The following SHISA9 variants were observed in gnomAD, a reference collection of about 807,000 sequenced individuals.
SHISA9 encodes protein shisa-9.
In SHISA9, 13 loss-of-function variants were observed where a neutral mutation model predicts 38.0. That is an observed-to-expected ratio of 0.34 (90% CI 0.22 to 0.54). The LOEUF is 0.54. Ranked by LOEUF, SHISA9 falls within the 20% of genes least tolerant of loss-of-function variation. The probability of loss-of-function intolerance (pLI) is 0.91; values close to 1 mark genes in which losing one functional copy is unlikely to be tolerated. For missense variants in SHISA9, 538 were observed against 575.8 expected, an observed-to-expected ratio of 0.93 and a Z score of 0.67; for synonymous variants, 275 against 242.0, an observed-to-expected ratio of 1.14 and a Z score of -1.27.
chr16:13,314,000 C>T, the SHISA9 span, among the ~76,000 whole-genome samples: 1 of 152,096 alleles, frequency 6.6e-6, no homozygotes, highest in Non-Finnish European at 1.5e-5. Flanking sequence ...GGCTGGGAGT[C>T]AGAGGTCGTG....
the SHISA9 span, among the ~76,000 whole-genome samples, chr16:13,371,517 C>T: frequency 7.9e-5 from 12 of 152,232 alleles, no homozygotes; most frequent in African/African-American, 2.9e-4. Context: ...CCATAGGAAC[C>T]AAGGTTAAGA....
chr16:13,137,475 G>A (rs1295927034), intron 2 of SHISA9, among the ~76,000 whole-genome samples: 1 of 138,506 alleles, frequency 7.2e-6, no homozygotes, highest in Non-Finnish European at 1.6e-5. Context: ...TTTTTTTTTT[G>A]AGACAGAGTC....
chr16:13,059,209 G>C (rs373289579), intron 2 of SHISA9, among the ~76,000 whole-genome samples: 75 of 140,020 alleles, frequency 5.4e-4, no homozygotes, highest in African/African-American at 2.0e-3. Flanking sequence ...CTCATTGCAA[G>C]CTCCCCCTCC....
chr16:13,231,620 G>A (rs114844044), intron 4 of SHISA9, among the ~76,000 whole-genome samples: 197 of 152,278 alleles, frequency 1.3e-3, no homozygotes, highest in African/African-American at 4.6e-3. Flanking sequence ...ATCAGTCGGA[G>A]CTATTTGCAT....
chr16:13,359,740 C>T, the SHISA9 span, among the ~76,000 whole-genome samples: 359 of 152,218 alleles, frequency 2.4e-3, 8 homozygotes, highest in South Asian at 0.048. Flanking sequence ...CTAGCAGATG[C>T]GGTTGGTGCC....
At chr16:13,530,824 A>G in the SHISA9 span, among the ~76,000 whole-genome samples, 2 of 152,188 alleles carry the variant, frequency 1.3e-5, no homozygotes, top group African/African-American at 4.8e-5. Flanking sequence ...AGAAAATCCC[A>G]TTCCCTCCAT....
chr16:12,959,047 T>C (rs2071873723), intron 2 of SHISA9, among the ~76,000 whole-genome samples: 1 of 152,178 alleles, frequency 6.6e-6, no homozygotes, highest in Non-Finnish European at 1.5e-5. Context: ...AAGGCCATGG[T>C]ACAGAGCTGG....
Position 13,213,240 on chromosome 16 carries a change from G to T in SHISA9, c.848-13G>T. 6.4e-7 allele frequency: 1 copy of T among 1,551,400 alleles called. No homozygotes were observed. Among genetic ancestry groups the T allele is most frequent in the Non-Finnish European group, 8.7e-7 (1 of 1,146,706 alleles). ...AACAGATCATCAGCATTTCTTGATT[G>T]TTATTTTTTTAGGAAGTTCTGATGG... On this transcript the variant is annotated splice_polypyrimidine_tract_variant and intron_variant, in intron 3 of 4. Coordinates refer to ENST00000558583, the MANE Select transcript of SHISA9 (RefSeq NM_001145204.3).
the SHISA9 span, among the ~76,000 whole-genome samples, chr16:13,516,479 A>T: frequency 1.3e-5 from 2 of 152,212 alleles, no homozygotes; most frequent in Non-Finnish European, 2.9e-5. Context: ...TGAACTGAAA[A>T]GGTATTTGTG....
At chr16:13,118,302 A>G (rs773484532) in intron 2 of SHISA9, among the ~76,000 whole-genome samples, 30 of 152,034 alleles carry the variant, frequency 2.0e-4, no homozygotes, top group Non-Finnish European at 3.8e-4. Flanking sequence ...GCAACCTGAC[A>G]GGGAGGTATG....
the SHISA9 span, among the ~76,000 whole-genome samples, chr16:13,427,159 A>T: frequency 0.72 from 110,258 of 152,164 alleles, 40,201 homozygotes; most frequent in Admixed American, 0.82. Context: ...GACTTCATCA[A>T]TTAAATGCTA....
At chr16:13,477,625 C>T in the SHISA9 span, among the ~76,000 whole-genome samples, 1 of 152,116 alleles carries the variant, frequency 6.6e-6, no homozygotes, top group Admixed American at 6.6e-5. Flanking sequence ...ACAAACAAAA[C>T]GAAAGTATTT....
At chr16:13,325,436 G>T in the SHISA9 span, among the ~76,000 whole-genome samples, 10 of 152,294 alleles carry the variant, frequency 6.6e-5, no homozygotes, top group Middle Eastern at 3.4e-3. Flanking sequence ...ATCATGGCCT[G>T]AACTAGTTTT....
the SHISA9 span, among the ~76,000 whole-genome samples, chr16:13,497,540 C>T: frequency 6.6e-6 from 1 of 151,910 alleles, no homozygotes; most frequent in Non-Finnish European, 1.5e-5. Flanking sequence ...AAAAAATTAG[C>T]CGGGCATGGT....
chr16:13,164,401 AT>A (rs1037676768), intron 2 of SHISA9, among the ~76,000 whole-genome samples: 3 of 152,044 alleles, frequency 2.0e-5, no homozygotes, highest in African/African-American at 7.2e-5. Context: ...TTACTGAGAA[AT>A]TTTTAACCTA....
chr16:13,459,268 C>T, the SHISA9 span, among the ~76,000 whole-genome samples: 1 of 152,136 alleles, frequency 6.6e-6, no homozygotes, highest in African/African-American at 2.4e-5. Context: ...GTAGCCTTGA[C>T]TTAGTGACAG....
chr16:12,966,270 C>T (rs1446022100), intron 2 of SHISA9, among the ~76,000 whole-genome samples: 1 of 152,188 alleles, frequency 6.6e-6, no homozygotes, highest in East Asian at 1.9e-4. Context: ...TTCCCTAATC[C>T]TACCCTTGGC....
intron 2 of SHISA9, among the ~76,000 whole-genome samples, chr16:12,995,839 C>T (rs998693485): frequency 3.9e-5 from 6 of 152,144 alleles, no homozygotes; most frequent in African/African-American, 1.4e-4. Context: ...GGTCAAGATG[C>T]GTGTACGAAA....
the SHISA9 span, among the ~76,000 whole-genome samples, chr16:13,373,214 C>A: frequency 6.6e-6 from 1 of 152,318 alleles, no homozygotes; most frequent in South Asian, 2.1e-4. Context: ...CTAATTGATA[C>A]AAACTGTTTC....
Sources: allele counts gnomAD v4.1 joint callset (sites outside exome capture counted in the v4.1 genomes callset), GRCh38; gene constraint gnomAD v4.1.1; transcripts MANE v1.5; gene names NCBI Gene and HGNC (gene_info 2026-07-23, HGNC 2026-07-21).